The following TBC1D10B variants were observed in gnomAD, a reference collection of about 807,000 sequenced individuals.
The protein encoded by TBC1D10B is TBC1 domain family member 10B, also known as Rab27A-GAPbeta.
In TBC1D10B, 25 loss-of-function variants were observed where a neutral mutation model predicts 78.4. That is an observed-to-expected ratio of 0.32 (90% CI 0.23 to 0.45). TBC1D10B has a LOEUF of 0.45. Ranked by LOEUF, TBC1D10B falls within the 20% of genes least tolerant of loss-of-function variation. TBC1D10B has a pLI of 1.00. For synonymous variants in TBC1D10B, 517 were observed against 478.0 expected, an observed-to-expected ratio of 1.08 and a Z score of -1.06; for missense variants, 996 against 1,104.8, an observed-to-expected ratio of 0.90 and a Z score of 1.40.
At position 30,369,704 on chromosome 16, in the gene TBC1D10B, CGTTCTGGAAGGG is replaced by C; in HGVS notation, c.468_479del (p.Pro157_Thr160del). On this transcript the variant is annotated inframe_deletion, in exon 1 of 9. Coordinates refer to ENST00000409939, the MANE Select transcript of TBC1D10B (RefSeq NM_015527.4). This position sits in a 1 kb window ranked among gnomAD's most constrained non-coding sequence, Gnocchi z 4.3. Reference sequence around the variant, plus strand: ...GTTTGGCGGTCAGGGCACCAGGAGCCGTTCTGGAAGGGGTCCTGGTAGGGGTCCCGGTGGGGG... The same window carrying C: ...GTTTGGCGGTCAGGGCACCAGGAGCCGTCCTGGTAGGGGTCCCGGTGGGGG... The C allele has an allele frequency of 1.3e-6, 2 of 1,509,210 alleles. No homozygotes were observed. The highest frequency in any genetic ancestry group is 2.6e-5 in the South Asian group (2 of 77,746). The allele number at this position is 1,509,210 out of a possible 1,614,324, so 93.5% of individuals were successfully genotyped here.
chr16:30,358,890 TCA>T (rs1435348540), intron 7 of TBC1D10B, 73 bp from the exon 8 acceptor site: 4 of 1,491,170 alleles, frequency 2.7e-6, no homozygotes, highest in Admixed American at 2.3e-5. Context: ...CAGGATAGAC[TCA>T]CAGCCCCCAT....
At position 30,369,234 on chromosome 16, in the gene TBC1D10B, C is replaced by A; in HGVS notation, c.950G>T (p.Gly317Val). ...YGFLGGSQYS[G>V]SLESSIPVDV... ...GGTGCCCACTGGTACTCACAGGCTG[C>A]CCGAGTACTGGCTGCCCCCAAGGAA... Residue 317 changes from glycine (G) to valine (V), a missense_variant, in exon 1 of 9, where the codon GGC becomes GTC. Coordinates refer to ENST00000409939, the MANE Select transcript of TBC1D10B (RefSeq NM_015527.4). This position sits in a 1 kb window ranked among gnomAD's most constrained non-coding sequence, Gnocchi z 4.3. 1 of 1,579,286 alleles carries A rather than the reference C, an allele frequency of 6.3e-7. No homozygotes were observed. The highest frequency in any genetic ancestry group is 8.6e-7 in the Non-Finnish European group (1 of 1,162,726).
At chr16:30,367,606 C>G (rs1395209509) in intron 1 of TBC1D10B, 1 of 152,196 alleles carries the variant, frequency 6.6e-6, no homozygotes, top group Non-Finnish European at 1.5e-5. Context: ...TAGAACTTAG[C>G]AGGCAAAGAA....
In TBC1D10B at chr16:30,365,532, C is replaced by A; in HGVS notation, c.1019G>T (p.Ser340Ile). 6.2e-7 allele frequency: 1 copy of A among 1,614,050 alleles called. No homozygotes were observed. Among genetic ancestry groups the A allele is most frequent in the Non-Finnish European group, 8.5e-7 (1 of 1,179,910 alleles). ...CCGTGACAGCCACTTATCCCAGTTA[C>A]TGAACATGTCCAGCCATTTGAGCTC... ...QRELKWLDMF[S>I]NWDKWLSRRF... Residue 340 changes from serine to isoleucine, a missense_variant, in exon 2 of 9, where the codon AGT becomes ATT. This residue lies in a region of TBC1D10B where 93 missense variants were observed against 152.7 expected (regional missense o/e 0.61). Coordinates refer to ENST00000409939, the MANE Select transcript of TBC1D10B (RefSeq NM_015527.4). The surrounding 1 kb of genome is among the most constrained non-coding windows in gnomAD (Gnocchi z 5.0).
chr16:30,364,251 G>T (rs2049618977), intron 4 of TBC1D10B, among the ~76,000 whole-genome samples: 1 of 152,050 alleles, frequency 6.6e-6, no homozygotes, highest in Non-Finnish European at 1.5e-5. Context: ...GACCAGTCTG[G>T]CCAACACAGT....
At position 30,369,162 on chromosome 16, in the gene TBC1D10B, T is replaced by TCCCCCAA; in HGVS notation, c.956+65_956+66insTTGGGGG. On this transcript the variant is annotated intron_variant, in intron 1 of 8. Transcript: ENST00000409939. This position sits in a 1 kb window ranked among gnomAD's most constrained non-coding sequence, Gnocchi z 4.3. ...AGAGTCTGGGCAAAGTGTATCGTTT[T>TCCCCCAA]CGTTTCGCCCTCCCCCAACCTTTGC... is the stretch of plus-strand genomic sequence containing the variant. 2 of 1,448,844 alleles carry TCCCCCAA rather than the reference T, an allele frequency of 1.4e-6. No individual in the cohort carries two copies. The highest frequency in any genetic ancestry group is 1.8e-6 in the Non-Finnish European group (2 of 1,087,816). The allele number at this position is 1,448,844 out of a possible 1,614,324, so 89.7% of individuals were successfully genotyped here.
In TBC1D10B at chr16:30,358,331, C is replaced by T. The variant is rs753189602; in HGVS notation, c.2040G>A (p.Pro680=). The T allele has an allele frequency of 3.3e-5, 51 of 1,562,876 alleles. 1 individual carries two copies. The highest frequency in any genetic ancestry group is 3.4e-4 in the Middle Eastern group (2 of 5,876). ...SRAAGGAPSP[P]PPVRRASAGP... is the part of the protein sequence containing the mutation. ...CAGCACTGGCTCTGCGGACGGGGGG[C>T]GGCGGGGACGGGGCCCCTCCAGCTG... The change falls in exon 9 of 9, where the codon CCG becomes CCA. Residue 680 remains proline, a synonymous_variant. Coordinates refer to ENST00000409939, the MANE Select transcript of TBC1D10B (RefSeq NM_015527.4).
chr16:30,360,983 A>T (rs1268175707), intron 4 of TBC1D10B, among the ~76,000 whole-genome samples: 6 of 143,318 alleles, frequency 4.2e-5, no homozygotes, highest in Middle Eastern at 3.3e-3. Context: ...ATTTGAGTTT[A>T]AAAAAAAAAA....
chr16:30,365,377 C>T lies in TBC1D10B; in HGVS notation c.1056+118G>A. 1 of 1,332,634 alleles carries T rather than the reference C, an allele frequency of 7.5e-7. No individual in the cohort carries two copies. Among genetic ancestry groups the T allele is most frequent in the Non-Finnish European group, 1.1e-6 (1 of 930,160 alleles). 82.6% of individuals were successfully genotyped at this position (1,332,634 alleles called of 1,614,324 possible). On this transcript the variant is annotated intron_variant, in intron 2 of 8. Coordinates refer to ENST00000409939, the MANE Select transcript of TBC1D10B (RefSeq NM_015527.4). This position sits in a 1 kb window ranked among gnomAD's most constrained non-coding sequence, Gnocchi z 5.0. ...TTTTAAAGCCATTCCCCCGCCAGGG[C>T]CCATCTATCCCCAGTGTGGTCCAGA...
At position 30,369,964 on chromosome 16, in the gene TBC1D10B, G is replaced by C. The variant is rs1023465404; in HGVS notation, c.220C>G (p.Pro74Ala). 3.7e-5 allele frequency: 47 copies of C among 1,286,670 alleles called. No homozygotes were observed. The African/African-American group carries it at 7.0e-4, about 19-fold the overall frequency. The allele number at this position is 1,286,670 out of a possible 1,614,324, so 79.7% of individuals were successfully genotyped here. Residue 74 changes from proline (P) to alanine (A), a missense_variant, in exon 1 of 9, where the codon CCG becomes GCG. Physicochemically the swap from Pro to Ala is conservative, Grantham distance 27 (BLOSUM62 -1). This residue lies in a region of TBC1D10B where 448 missense variants were observed against 442.1 expected (regional missense o/e 1.01). Transcript: ENST00000409939. This position sits in a 1 kb window ranked among gnomAD's most constrained non-coding sequence, Gnocchi z 4.3. ...GGGGCTGGGGCCGGGGCTGGGGCCG[G>C]GGCCGGAGCAGAGGTCTCGGCCGAC... ...PGSAETSAPA[P>A]APAPAPAPAV...
rs373164157 is a variant in TBC1D10B at position 30,357,971 on chromosome 16, G to A, written c.2400C>T (p.Ala800=). 367 of 1,551,376 alleles carry A rather than the reference G, an allele frequency of 2.4e-4. No individual in the cohort carries two copies. Among genetic ancestry groups the A allele is most frequent in the Non-Finnish European group, 3.0e-4 (339 of 1,146,818 alleles). The part of the protein sequence containing the change: ...GPHDGGDRPS[A]EARQDAYF ...AGAAGTAAGCGTCCTGCCGGGCCTC[G>A]GCTGAGGGCCTGTCCCCACCATCAT... The change falls in exon 9 of 9, where the codon GCC becomes GCT. Residue 800 remains alanine (A), a synonymous_variant. Transcript: ENST00000409939.
In TBC1D10B at chr16:30,360,413, G is replaced by C. The variant is rs1036751939; in HGVS notation, c.1272-572C>G. On this transcript the variant is annotated intron_variant, in intron 4 of 8. Coordinates refer to ENST00000409939, the MANE Select transcript of TBC1D10B (RefSeq NM_015527.4). ...ATCAGAAAAGAGCCCCTTACTCCAA[G>C]CCTAAGCAGCGCTGCACCCTGAATT... is the stretch of plus-strand genomic sequence containing the variant. 3 of 154,852 alleles carry C rather than the reference G, an allele frequency of 1.9e-5. 1 individual carries two copies. The highest frequency in any genetic ancestry group is 3.8e-4 in the East Asian group (2 of 5,222). The allele number at this position is 154,852 out of a possible 1,614,324, so 9.6% of individuals were successfully genotyped here.
chr16:30,366,283 T>C (rs1345642259), intron 1 of TBC1D10B: 1 of 152,434 alleles, frequency 6.6e-6, no homozygotes, highest in African/African-American at 2.4e-5. Context: ...GGCAGGCGGA[T>C]GACTTGAGGT....
At chr16:30,364,649 C>T (rs776732591) in intron 4 of TBC1D10B, among the ~76,000 whole-genome samples, 43 of 152,088 alleles carry the variant, frequency 2.8e-4, no homozygotes, top group Non-Finnish European at 7.4e-5. Flanking sequence ...TAGCTCCCAC[C>T]CCTCCAAAAC....
Position 30,359,849 on chromosome 16 carries a change from G to A in TBC1D10B, c.1272-8C>T, listed in dbSNP as rs1331739591. On this transcript the variant is annotated splice_region_variant and splice_polypyrimidine_tract_variant and intron_variant, in intron 4 of 8. Transcript: ENST00000409939. ...CGGTACAGGTCCTGTTGCCTGTGGG[G>A]GTTGGGGAAGACTGTGAGGGCAGTC... The A allele has an allele frequency of 3.9e-6, 6 of 1,554,716 alleles. No homozygotes were observed. In the South Asian group the frequency reaches 5.9e-5, roughly 15 times the overall value.
rs972427411 is a variant in TBC1D10B at position 30,370,204 on chromosome 16, A to G, written c.-21T>C. 3 of 1,117,184 alleles carry G rather than the reference A, an allele frequency of 2.7e-6. No homozygotes were observed. Among genetic ancestry groups the G allele is most frequent in the Admixed American group, 9.6e-5 (2 of 20,834 alleles). The allele number at this position is 1,117,184 out of a possible 1,614,324, so 69.2% of individuals were successfully genotyped here. Reference sequence around the variant, plus strand: ...TCCATGGCCGCGGGCCGCCCCTCACATCCCCCCGCCGGGGAGGCCGCAGAA... The same window carrying G: ...TCCATGGCCGCGGGCCGCCCCTCACGTCCCCCCGCCGGGGAGGCCGCAGAA... On this transcript the variant is annotated 5_prime_UTR_variant, in exon 1 of 9. An upstream start codon of the reference 5' UTR is lost. Transcript: ENST00000409939.
At position 30,370,044 on chromosome 16, in the gene TBC1D10B, G is replaced by A. The variant is rs2049675010; in HGVS notation, c.140C>T (p.Ser47Leu). 3 of 1,230,098 alleles carry A rather than the reference G, an allele frequency of 2.4e-6. No individual in the cohort carries two copies. In the Admixed American group the frequency reaches 1.3e-4, roughly 52 times the overall value. The allele number at this position is 1,230,098 out of a possible 1,614,324, so 76.2% of individuals were successfully genotyped here. Residue 47 changes from serine (S) to leucine (L), a missense_variant, in exon 1 of 9, where the codon TCG becomes TTG. Coordinates refer to ENST00000409939, the MANE Select transcript of TBC1D10B (RefSeq NM_015527.4). ...GGGGGCCACCAGGGTGACGGGGGCC[G>A]AAGTGGCCGTAGTCACTGGAGGTCC... ...APGPPVTTAT[S>L]APVTLVAPGE... is the part of the protein sequence containing the mutation.
chr16:30,369,145 G>A lies in TBC1D10B; in HGVS notation c.956+83C>T. 2 of 1,390,112 alleles carry A rather than the reference G, an allele frequency of 1.4e-6. No homozygotes were observed. The highest frequency in any genetic ancestry group is 1.9e-6 in the Non-Finnish European group (2 of 1,041,084). 86.1% of individuals were successfully genotyped at this position (1,390,112 alleles called of 1,614,324 possible). A position where few individuals can be genotyped will look rare whatever the true frequency, so the allele number is the denominator to read the frequency against. On this transcript the variant is annotated intron_variant, in intron 1 of 8. Transcript: ENST00000409939. The surrounding 1 kb of genome is among the most constrained non-coding windows in gnomAD (Gnocchi z 4.3). The stretch of plus-strand genomic sequence containing the variant: ...GAGGAGGCTGGGCTGCCAGAGTCTG[G>A]GCAAAGTGTATCGTTTTCGTTTCGC...
chr16:30,359,886 G>A, intron 4 of TBC1D10B, 45 bp from the exon 5 acceptor site: 1 of 1,494,956 alleles, frequency 6.7e-7, no homozygotes, highest in South Asian at 1.2e-5. Context: ...CGGGCTGAGA[G>A]CTCTGTCCCC....
Sources: allele counts gnomAD v4.1 joint callset (sites outside exome capture counted in the v4.1 genomes callset), GRCh38; gene constraint gnomAD v4.1.1; regional missense constraint gnomAD v4.1.1; non-coding constraint Gnocchi (gnomAD v3.1); transcripts MANE v1.5; gene names NCBI Gene and HGNC (gene_info 2026-07-23, HGNC 2026-07-21).